Variants in MED13L observed in about 807,000 individuals in gnomAD.
The protein encoded by MED13L is mediator complex subunit 13L.
A neutral mutation model predicts 220.9 loss-of-function variants in MED13L; 7 were observed. The observed-to-expected ratio is 0.03, with a 90% CI of 0.02 to 0.06. MED13L has a LOEUF of 0.06. Among genes scored for constraint, MED13L ranks in the 10% least tolerant of loss-of-function variants. The pLI is 1.00. For missense variants in MED13L, 1,965 were observed against 2,760.5 expected (o/e 0.71, Z 6.46); for synonymous variants, 1,011 against 1,015.2 (o/e 1.00, Z 0.08).
intron 14 of MED13L, among the ~76,000 whole-genome samples, chr12:116,002,085 G>C (rs578006297): frequency 9.9e-5 from 15 of 152,176 alleles, no homozygotes; most frequent in Non-Finnish European, 1.9e-4. Flanking sequence ...GTGAAATTCT[G>C]CAGTGCAGAG....
intron 4 of MED13L, among the ~76,000 whole-genome samples, chr12:116,066,024 T>C (rs1364642793): frequency 6.6e-6 from 1 of 152,210 alleles, no homozygotes; most frequent in Non-Finnish European, 1.5e-5. Flanking sequence ...AATGCACAAG[T>C]AGGACAAAGG....
chr12:116,253,967 G>T (rs1871813242), intron 1 of MED13L, among the ~76,000 whole-genome samples: 1 of 151,712 alleles, frequency 6.6e-6, no homozygotes, highest in Non-Finnish European at 1.5e-5. Context: ...CGCCACATTG[G>T]CCAGGCTGGT....
intron 4 of MED13L, among the ~76,000 whole-genome samples, chr12:116,089,567 G>T (rs76467658): frequency 1.4e-4 from 21 of 152,166 alleles, no homozygotes; most frequent in African/African-American, 4.8e-4. Context: ...ATAATCTCAA[G>T]AGTCTTAAAT....
chr12:116,136,440 G>A (rs116272340), intron 2 of MED13L, among the ~76,000 whole-genome samples: 8 of 152,302 alleles, frequency 5.3e-5, no homozygotes, highest in African/African-American at 1.9e-4. Context: ...AAATAAGTGT[G>A]TATGTGTGTG....
At chr12:116,191,904 A>G (rs1262186857) in intron 2 of MED13L, among the ~76,000 whole-genome samples, 1 of 152,176 alleles carries the variant, frequency 6.6e-6, no homozygotes, top group Non-Finnish European at 1.5e-5. Flanking sequence ...TTTTCAAATC[A>G]CCGAGGAACT....
chr12:116,044,381 C>T (rs929571807), intron 4 of MED13L, among the ~76,000 whole-genome samples: 2 of 152,182 alleles, frequency 1.3e-5, no homozygotes, highest in Admixed American at 1.3e-4. Context: ...TCAAACAACT[C>T]CACACGAAAG....
intron 2 of MED13L, among the ~76,000 whole-genome samples, chr12:116,123,445 G>C (rs1875267463): frequency 6.6e-6 from 1 of 151,968 alleles, no homozygotes; most frequent in Admixed American, 6.5e-5. Context: ...ACTTCCTCTA[G>C]GACAATGATT....
intron 3 of MED13L, among the ~76,000 whole-genome samples, chr12:116,109,946 G>A (rs867940450): frequency 6.6e-6 from 1 of 152,206 alleles, no homozygotes; most frequent in Non-Finnish European, 1.5e-5. Flanking sequence ...CATATCAACT[G>A]TAGTTCAAGT....
intron 2 of MED13L, 64 bp from the exon 3 acceptor site, chr12:116,111,576 A>G (rs1006705793): frequency 1.6e-6 from 2 of 1,277,912 alleles, no homozygotes; most frequent in Non-Finnish European, 2.2e-6. Context: ...ATAAAAAGAA[A>G]CTTTTAAAAC....
At chr12:116,203,245 A>C (rs1371526212) in intron 2 of MED13L, among the ~76,000 whole-genome samples, 1 of 152,204 alleles carries the variant, frequency 6.6e-6, no homozygotes, top group Non-Finnish European at 1.5e-5. Context: ...CGGTTTTACA[A>C]GTTTTGCTTA....
rs577685119 is a variant in MED13L at position 116,245,690 on chromosome 12, T to A, written c.73-7985A>T. On this transcript the variant is annotated intron_variant, in intron 1 of 30. Coordinates refer to ENST00000281928, the MANE Select transcript of MED13L (RefSeq NM_015335.5). Reference sequence around the variant, plus strand: ...TGATTCCAGAAATGATAAAACTTAGTAAAATGTTTAGAAGATAAAGTTTAG... The same window carrying A: ...TGATTCCAGAAATGATAAAACTTAGAAAAATGTTTAGAAGATAAAGTTTAG... Among the ~76,000 whole-genome samples, 4 of 152,204 alleles carry A rather than the reference T, an allele frequency of 2.6e-5. No individual in the cohort carries two copies. The South Asian group carries it at 8.3e-4, about 32-fold the overall frequency.
At chr12:116,069,900 C>A (rs961303749) in intron 4 of MED13L, among the ~76,000 whole-genome samples, 3 of 152,060 alleles carry the variant, frequency 2.0e-5, no homozygotes, top group African/African-American at 7.2e-5. Flanking sequence ...TCCCAAGATA[C>A]CTCATTATAT....
chr12:116,261,456 C>A (rs1392038962), intron 1 of MED13L, among the ~76,000 whole-genome samples: 1 of 149,242 alleles, frequency 6.7e-6, no homozygotes, highest in South Asian at 2.1e-4. Context: ...GAGATTGTGC[C>A]GCTGTACTCC....
intron 17 of MED13L, among the ~76,000 whole-genome samples, chr12:115,989,630 C>T (rs2137299311): frequency 6.6e-6 from 1 of 152,252 alleles, no homozygotes; most frequent in African/African-American, 2.4e-5. Flanking sequence ...ATCTTTAAAA[C>T]TTCCAAACTT....
intron 4 of MED13L, among the ~76,000 whole-genome samples, chr12:116,057,488 T>C (rs545574069): frequency 6.6e-6 from 1 of 151,866 alleles, no homozygotes; most frequent in Non-Finnish European, 1.5e-5. Flanking sequence ...GACTGACTGA[T>C]GGCAGAATAT....
intron 1 of MED13L, among the ~76,000 whole-genome samples, chr12:116,245,341 T>A (rs1406976413): frequency 1.3e-5 from 2 of 152,116 alleles, no homozygotes; most frequent in Non-Finnish European, 2.9e-5. Flanking sequence ...GTTCCCCAAC[T>A]AAAGAGCCCA....
At chr12:116,082,228 T>C (rs903656483) in intron 4 of MED13L, among the ~76,000 whole-genome samples, 2 of 152,206 alleles carry the variant, frequency 1.3e-5, no homozygotes, top group African/African-American at 4.8e-5. Context: ...TCTAGATCAC[T>C]CTTTTCATTT....
chr12:116,048,697 A>G (rs572025989), intron 4 of MED13L, among the ~76,000 whole-genome samples: 1 of 152,208 alleles, frequency 6.6e-6, no homozygotes, highest in East Asian at 1.9e-4. Flanking sequence ...GTTCAGGGTT[A>G]AGGGCAGAAA....
At chr12:116,176,381 A>G (rs1198346933) in intron 2 of MED13L, among the ~76,000 whole-genome samples, 1 of 152,168 alleles carries the variant, frequency 6.6e-6, no homozygotes, top group African/African-American at 2.4e-5. Flanking sequence ...CTAAGGCTCA[A>G]TAAATATAAG....
Sources: allele counts gnomAD v4.1 joint callset (sites outside exome capture counted in the v4.1 genomes callset), GRCh38; gene constraint gnomAD v4.1.1; transcripts MANE v1.5; gene names NCBI Gene and HGNC (gene_info 2026-07-23, HGNC 2026-07-21).